ITPR1: variants seen among roughly 807,000 people sequenced by gnomAD.
The protein encoded by ITPR1 is inositol 1,4,5-trisphosphate receptor type 1.
Under a neutral mutation model 318.4 loss-of-function variants are expected in ITPR1, and 96 were observed. That is an observed-to-expected ratio of 0.30 (90% CI 0.26 to 0.36). ITPR1 has a LOEUF of 0.36. Ranked by LOEUF, ITPR1 falls within the 10% of genes least tolerant of loss-of-function variation. The pLI, the probability that ITPR1 is intolerant of heterozygous loss-of-function variation, is 1.00. For missense variants in ITPR1, 2,440 were observed against 3,460.2 expected (o/e 0.71, Z 7.40); for synonymous variants, 1,312 against 1,289.9 (o/e 1.02, Z -0.37).
At chr3:4,678,806 A>G (rs959836407) in intron 24 of ITPR1, among the ~76,000 whole-genome samples, 1 of 152,124 alleles carries the variant, frequency 6.6e-6, no homozygotes, top group African/African-American at 2.4e-5. Flanking sequence ...GCCGAGTACC[A>G]TGGGATGCAG....
intron 37 of ITPR1, among the ~76,000 whole-genome samples, chr3:4,707,300 C>T (rs545912397): frequency 2.6e-5 from 4 of 152,290 alleles, no homozygotes; most frequent in South Asian, 2.1e-4. Flanking sequence ...TCTTTCATGG[C>T]GTTGCAGTCA....
intron 28 of ITPR1, 73 bp from the exon 29 acceptor site, chr3:4,684,208 G>A (rs995526528): frequency 3.2e-6 from 3 of 946,220 alleles, no homozygotes; most frequent in African/African-American, 1.6e-5. Context: ...CCTAAAGGTC[G>A]ATGCTAACTG....
intron 5 of ITPR1, among the ~76,000 whole-genome samples, chr3:4,629,134 C>G (rs561230544): frequency 2.0e-5 from 3 of 152,228 alleles, no homozygotes; most frequent in African/African-American, 7.2e-5. Flanking sequence ...TGGTCCATGC[C>G]TGGACCCTGC....
rs767741423 is a variant in ITPR1 at position 4,788,183 on chromosome 3, TG to T, written c.6808+47del. 21 of 1,500,032 alleles carry T rather than the reference TG, an allele frequency of 1.4e-5. No homozygotes were observed. In the East Asian group the frequency reaches 4.5e-4, roughly 32 times the overall value. 92.9% of individuals were successfully genotyped at this position (1,500,032 alleles called of 1,614,324 possible). On this transcript the variant is annotated intron_variant, in intron 52 of 61. Coordinates refer to ENST00000649015, the MANE Select transcript of ITPR1 (RefSeq NM_001378452.1). ...GCAACAACACAGAGAGACACAGTTC[TG>T]GGATTTCACAAACTTGGGCTTGATG...
chr3:4,612,224 G>A (rs1383292606), intron 4 of ITPR1, among the ~76,000 whole-genome samples: 1 of 151,890 alleles, frequency 6.6e-6, no homozygotes, highest in Non-Finnish European at 1.5e-5. Flanking sequence ...ACCACGCCTG[G>A]CTAATTTTTA....
At chr3:4,625,688 C>G (rs2092802478) in intron 4 of ITPR1, among the ~76,000 whole-genome samples, 1 of 152,108 alleles carries the variant, frequency 6.6e-6, no homozygotes, top group Non-Finnish European at 1.5e-5. Flanking sequence ...TCCCGAGTAG[C>G]TGGGACTACA....
Position 4,697,264 on chromosome 3 carries a change from A to C in ITPR1, c.4399A>C (p.Ile1467Leu). Reference sequence around the variant, plus strand: ...ATTGTTTGAGAATTTCCTTGTAGACATCTGCAGGGTAAGGCTTTTGGAACT... The same window carrying C: ...ATTGTTTGAGAATTTCCTTGTAGACCTCTGCAGGGTAAGGCTTTTGGAACT... ...WKLFENFLVDICRACNNTSDR... is the reference protein window; with the variant it reads ...WKLFENFLVDLCRACNNTSDR... The change falls in exon 34 of 62, where the codon ATC (isoleucine) becomes CTC (leucine). Residue 1467 changes from isoleucine (I) to leucine (L), a missense_variant. By Grantham distance (5) the Ile-to-Leu change is conservative (BLOSUM62 2). Transcript: ENST00000649015. 6.4e-7 allele frequency: 1 copy of C among 1,555,722 alleles called. No individual in the cohort carries two copies. The highest frequency in any genetic ancestry group is 8.7e-7 in the Non-Finnish European group (1 of 1,148,968).
At chr3:4,842,826 A>T (rs2051450866) in intron 61 of ITPR1, among the ~76,000 whole-genome samples, 1 of 152,210 alleles carries the variant, frequency 6.6e-6, no homozygotes, top group South Asian at 2.1e-4. Context: ...CTAAGGATAG[A>T]CTTTGGTCAT....
At chr3:4,603,482 T>C (rs531036424) in intron 4 of ITPR1, among the ~76,000 whole-genome samples, 1 of 152,248 alleles carries the variant, frequency 6.6e-6, no homozygotes, top group South Asian at 2.1e-4. Flanking sequence ...CAGGCTGGAG[T>C]GCAGTGGTGC....
At chr3:4,666,855 A>G (rs1365501780) in intron 17 of ITPR1, among the ~76,000 whole-genome samples, 1 of 152,218 alleles carries the variant, frequency 6.6e-6, no homozygotes, top group Non-Finnish European at 1.5e-5. Flanking sequence ...TTCCATGCAT[A>G]TGATGGATTT....
At chr3:4,666,954 A>T (rs1313100998) in intron 17 of ITPR1, among the ~76,000 whole-genome samples, 3 of 152,240 alleles carry the variant, frequency 2.0e-5, no homozygotes, top group Non-Finnish European at 4.4e-5. Context: ...AAACAGGGTA[A>T]CATTGTTCCA....
intron 34 of ITPR1, among the ~76,000 whole-genome samples, chr3:4,699,114 C>G (rs2094602389): frequency 6.6e-6 from 1 of 151,750 alleles, no homozygotes; most frequent in African/African-American, 2.4e-5. Flanking sequence ...TTTGGGAGGC[C>G]TAGGTGGGCA....
At chr3:4,570,444 T>C (rs565932310) in intron 4 of ITPR1, among the ~76,000 whole-genome samples, 1 of 152,312 alleles carries the variant, frequency 6.6e-6, no homozygotes, top group Non-Finnish European at 1.5e-5. Flanking sequence ...TAACCACTCA[T>C]TGAAGATGAA....
intron 34 of ITPR1, among the ~76,000 whole-genome samples, chr3:4,697,823 C>T (rs566639922): frequency 6.6e-6 from 1 of 152,242 alleles, no homozygotes; most frequent in South Asian, 2.1e-4. Flanking sequence ...GAGGTTATTT[C>T]TGGTTTTCAT....
chr3:4,553,607 T>TTG (rs1239364583), intron 4 of ITPR1, among the ~76,000 whole-genome samples: 1 of 150,258 alleles, frequency 6.7e-6, no homozygotes, highest in Non-Finnish European at 1.5e-5. Context: ...ATTTCTTTTT[T>TTG]TTTTTTTTTT....
At chr3:4,781,671 C>T (rs7615779) in intron 49 of ITPR1, among the ~76,000 whole-genome samples, 144,714 of 152,260 alleles carry the variant, frequency 0.95, 68,826 homozygotes, top group East Asian at 0.98. Context: ...CTTGACTCTA[C>T]TTCCTCATCC....
chr3:4,678,790 C>A (rs533691541), intron 24 of ITPR1, among the ~76,000 whole-genome samples: 9 of 152,168 alleles, frequency 5.9e-5, no homozygotes, highest in African/African-American at 2.2e-4. Context: ...GATGGAGCAG[C>A]CTGAAGCCGA....
At chr3:4,783,781 C>A (rs1314527946) in intron 50 of ITPR1, 35 bp from the exon 51 acceptor site, 1 of 1,466,554 alleles carries the variant, frequency 6.8e-7, no homozygotes, top group South Asian at 1.2e-5. Flanking sequence ...TGTGAAGAGA[C>A]ACCAACCTCC....
At chr3:4,844,057 G>T (rs1375502729) in intron 61 of ITPR1, among the ~76,000 whole-genome samples, 1 of 151,572 alleles carries the variant, frequency 6.6e-6, no homozygotes, top group East Asian at 1.9e-4. Flanking sequence ...TGAGTTGAAA[G>T]ATTTCAGCAG....
Sources: allele counts gnomAD v4.1 joint callset (sites outside exome capture counted in the v4.1 genomes callset), GRCh38; gene constraint gnomAD v4.1.1; transcripts MANE v1.5; gene names NCBI Gene and HGNC (gene_info 2026-07-23, HGNC 2026-07-21).